CSMD1: variants seen among roughly 807,000 people sequenced by gnomAD.
CSMD1 encodes CUB and Sushi multiple domains 1.
CSMD1 carries 213 observed loss-of-function variants against 417.5 expected under a neutral mutation model. The observed-to-expected ratio is 0.51, with a 90% CI of 0.46 to 0.57. CSMD1 has a LOEUF of 0.57. Among genes scored for constraint, CSMD1 ranks in the 20% least tolerant of loss-of-function variants. The pLI is 0.00. For synonymous variants in CSMD1, 2,862 were observed against 1,736.8 expected, an observed-to-expected ratio of 1.65 and a Z score of -16.11; for missense variants, 6,923 against 4,529.7, an observed-to-expected ratio of 1.53 and a Z score of -15.17.
chr8:4,857,209 T>C (rs1407542979), intron 1 of CSMD1, among the ~76,000 whole-genome samples: 3 of 149,890 alleles, frequency 2.0e-5, no homozygotes, highest in Non-Finnish European at 3.0e-5. Flanking sequence ...AGATGTTCTT[T>C]GAAACCAACG....
intron 3 of CSMD1, among the ~76,000 whole-genome samples, chr8:4,165,551 A>C (rs1356690922): frequency 6.6e-6 from 1 of 152,146 alleles, no homozygotes; most frequent in Non-Finnish European, 1.5e-5. Flanking sequence ...CCTCCGGTGC[A>C]CCACCATGCC....
intron 7 of CSMD1, among the ~76,000 whole-genome samples, chr8:3,641,372 G>C (rs191363070): frequency 6.6e-6 from 1 of 152,136 alleles, no homozygotes; most frequent in East Asian, 1.9e-4. Flanking sequence ...TGCCACCTTC[G>C]CTAACGTCAG....
chr8:3,260,870 C>G (rs1055309502), intron 26 of CSMD1, among the ~76,000 whole-genome samples: 1 of 152,078 alleles, frequency 6.6e-6, no homozygotes. Context: ...AAGCTACAGA[C>G]TGGGAGAAAA....
chr8:3,286,070 T>C (rs1174140598), intron 25 of CSMD1, among the ~76,000 whole-genome samples: 1 of 152,114 alleles, frequency 6.6e-6, no homozygotes, highest in Non-Finnish European at 1.5e-5. Context: ...AGTGAGAACA[T>C]GAGGCGTTTG....
At chr8:4,944,859 A>G (rs1808264011) in intron 1 of CSMD1, among the ~76,000 whole-genome samples, 1 of 152,192 alleles carries the variant, frequency 6.6e-6, no homozygotes, top group African/African-American at 2.4e-5. Flanking sequence ...TCTTCTGAAA[A>G]TTAAAAATAA....
intron 3 of CSMD1, among the ~76,000 whole-genome samples, chr8:4,343,705 C>G (rs902905714): frequency 2.6e-5 from 4 of 151,990 alleles, no homozygotes; most frequent in African/African-American, 7.2e-5. Context: ...TTCTTTTCAC[C>G]AGGGGAGCTT....
At chr8:4,139,087 C>T (rs1613021) in intron 3 of CSMD1, among the ~76,000 whole-genome samples, 29,449 of 152,036 alleles carry the variant, frequency 0.19, 3,094 homozygotes, top group East Asian at 0.31. Flanking sequence ...TGTCTTTTAC[C>T]GACCACAACA....
In CSMD1 at chr8:3,448,315, G is replaced by C. The variant is rs11786414; in HGVS notation, c.1561+20397C>G. 6.7e-4 allele frequency among the ~76,000 whole-genome samples: 7 copies of C among 10,522 alleles called. 1 individual carries two copies. The highest frequency in any genetic ancestry group is 1.8e-3 in the Admixed American group (2 of 1,116). 6.9% of individuals were successfully genotyped at this position (10,522 alleles called of 152,430 possible). A position where few individuals can be genotyped will look rare whatever the true frequency, so the allele number is the denominator to read the frequency against. ...TCTGAAACTGGTGGGAAGGAAGGAAGGAAGGAAGGGAGCAAGGGAGGGAGG... is the reference window on the plus strand; with the variant it reads ...TCTGAAACTGGTGGGAAGGAAGGAACGAAGGAAGGGAGCAAGGGAGGGAGG... On this transcript the variant is annotated intron_variant, in intron 12 of 69. Transcript: ENST00000635120.
chr8:3,872,273 G>C (rs1021087867), intron 5 of CSMD1, among the ~76,000 whole-genome samples: 1 of 152,122 alleles, frequency 6.6e-6, no homozygotes, highest in Non-Finnish European at 1.5e-5. Context: ...TGAACTGAAC[G>C]TGTCAGGTTT....
intron 10 of CSMD1, among the ~76,000 whole-genome samples, chr8:3,562,745 T>C (rs1585373123): frequency 2.2e-5 from 3 of 133,954 alleles, no homozygotes; most frequent in Admixed American, 1.9e-4. Flanking sequence ...TGGTTAAAAA[T>C]AATAATAATA....
chr8:4,340,795 G>C lies in CSMD1; in HGVS notation c.415+79158C>G, dbSNP rs745615520. ...CAAACTCATAATGGTTGCTTCTAGAGAGTTAACTATGCTGCTTACCCACTT... is the reference window on the plus strand; with the variant it reads ...CAAACTCATAATGGTTGCTTCTAGACAGTTAACTATGCTGCTTACCCACTT... On this transcript the variant is annotated intron_variant, in intron 3 of 69. Coordinates refer to ENST00000635120, the MANE Select transcript of CSMD1 (RefSeq NM_033225.6). Among the ~76,000 whole-genome samples, 10 of 152,068 alleles carry C rather than the reference G, an allele frequency of 6.6e-5. 1 individual carries two copies. In the South Asian group the frequency reaches 1.4e-3, roughly 22 times the overall value.
chr8:3,558,582 T>TA (rs1563152888), intron 10 of CSMD1, among the ~76,000 whole-genome samples: 18 of 123,948 alleles, frequency 1.5e-4, no homozygotes, highest in South Asian at 2.6e-4. Flanking sequence ...CAATGATGAA[T>TA]GGTGTCTCAA....
At chr8:4,803,277 G>A (rs372865669) in intron 1 of CSMD1, among the ~76,000 whole-genome samples, 31 of 152,114 alleles carry the variant, frequency 2.0e-4, no homozygotes, top group African/African-American at 6.8e-4. Flanking sequence ...TATCCAAACA[G>A]AAACATCGAT....
chr8:4,627,326 G>C (rs1003360376), intron 2 of CSMD1, among the ~76,000 whole-genome samples: 1 of 152,018 alleles, frequency 6.6e-6, no homozygotes, highest in African/African-American at 2.4e-5. Flanking sequence ...TCCACATAAA[G>C]CTCATTTAAA....
chr8:4,220,016 C>G (rs545028144), intron 3 of CSMD1, among the ~76,000 whole-genome samples: 1 of 152,094 alleles, frequency 6.6e-6, no homozygotes, highest in Non-Finnish European at 1.5e-5. Context: ...GTGGTGCGAT[C>G]TAGGCTGACT....
chr8:4,769,548 G>C (rs1170755272), intron 1 of CSMD1, among the ~76,000 whole-genome samples: 1 of 152,116 alleles, frequency 6.6e-6, no homozygotes, highest in Non-Finnish European at 1.5e-5. Context: ...AAATACCTAT[G>C]TCACCAAACA....
chr8:3,149,326 A>C (rs902269321), intron 40 of CSMD1, among the ~76,000 whole-genome samples: 5 of 152,228 alleles, frequency 3.3e-5, no homozygotes, highest in Admixed American at 1.3e-4. Flanking sequence ...CAATGTTTCC[A>C]GTTAGTTTTG....
chr8:4,203,833 C>T (rs1164735908), intron 3 of CSMD1, among the ~76,000 whole-genome samples: 1 of 152,168 alleles, frequency 6.6e-6, no homozygotes, highest in Non-Finnish European at 1.5e-5. Flanking sequence ...GGAGTCATGG[C>T]TCATACCTGT....
At chr8:4,575,225 C>G (rs551255828) in intron 2 of CSMD1, among the ~76,000 whole-genome samples, 54 of 152,304 alleles carry the variant, frequency 3.5e-4, no homozygotes, top group Non-Finnish European at 6.3e-4. Context: ...CCTAAAAATA[C>G]AGTTACTGTC....
Sources: allele counts gnomAD v4.1 joint callset (sites outside exome capture counted in the v4.1 genomes callset), GRCh38; gene constraint gnomAD v4.1.1; transcripts MANE v1.5; gene names NCBI Gene and HGNC (gene_info 2026-07-23, HGNC 2026-07-21).